Variants in SYNE1 observed in about 807,000 individuals in gnomAD.
SYNE1 encodes the protein spectrin repeat containing nuclear envelope protein 1, also known as nesprin-1.
Under a neutral mutation model 1,111.0 loss-of-function variants are expected in SYNE1, and 616 were observed. The observed-to-expected ratio is 0.55, with a 90% CI of 0.52 to 0.59. The LOEUF (loss-of-function observed/expected upper bound fraction) is 0.59. SYNE1 is among the 20% of genes least tolerant of loss of function. The probability of loss-of-function intolerance (pLI) is 0.00; values close to 1 mark genes in which losing one functional copy is unlikely to be tolerated. For missense variants in SYNE1, 10,006 were observed against 10,417.0 expected (o/e 0.96, Z 1.72); for synonymous variants, 3,855 against 3,825.8 (o/e 1.01, Z -0.28).
At chr6:152,404,021 G>GAT (rs1214829096) in intron 46 of SYNE1, among the ~76,000 whole-genome samples, 192 bp downstream of exon 46, 9 of 148,684 alleles carry the variant, frequency 6.1e-5, no homozygotes, top group Admixed American at 2.0e-4. Flanking sequence ...ACATATATAT[G>GAT]ATATATATAT....
In SYNE1 at chr6:152,419,636, A is replaced by G; in HGVS notation, c.5354T>C (p.Leu1785Pro). 6.2e-7 allele frequency: 1 copy of G among 1,614,054 alleles called. No homozygotes were observed. Among genetic ancestry groups the G allele is most frequent in the Non-Finnish European group, 8.5e-7 (1 of 1,179,964 alleles). The change falls in exon 40 of 146, where the codon CTC becomes CCC. Residue 1785 changes from leucine (L) to proline (P), a missense_variant. Transcript: ENST00000367255. ...LSFSVWIKLFLSELQTTSEIS... is the reference protein window; with the variant it reads ...LSFSVWIKLFPSELQTTSEIS... ...CTCAGAGGTAGTTTGTAATTCACTG[A>G]GAAACAGTTTAATCCAGACAGAAAA... is the stretch of plus-strand genomic sequence containing the variant.
intron 51 of SYNE1, 56 bp downstream of exon 51, chr6:152,395,460 C>G: frequency 2.5e-6 from 4 of 1,572,460 alleles, no homozygotes; most frequent in Non-Finnish European, 3.5e-6. Context: ...ACCAACCAAC[C>G]AACTAGTCTA....
rs758348063 is a variant in SYNE1, at chr6:152,225,829, A to G, written c.21243T>C (p.Ile7081=). The G allele has an allele frequency of 2.0e-5, 32 of 1,613,928 alleles. No individual in the cohort carries two copies. Among genetic ancestry groups the G allele is most frequent in the Non-Finnish European group, 2.6e-5 (31 of 1,179,952 alleles). The part of the protein sequence containing the change: ...IKAKEKEVEK[I]EQNGLALIQN... ...GAATCAAAGCAAGTCCATTCTGCTC[A>G]ATTTTCTCTACTTCTTTTTCTTTTG... The change falls in exon 116 of 146, where the codon ATT becomes ATC. Residue 7081 remains isoleucine (I), a synonymous_variant. Transcript: ENST00000367255.
intron 80 of SYNE1, 142 bp from the exon 81 acceptor site, chr6:152,325,444 C>T (rs2096036988): frequency 1.3e-5 from 10 of 746,644 alleles, no homozygotes; most frequent in Middle Eastern, 7.1e-4. Context: ...TCTAGGTACT[C>T]TTACTTTTAT....
At chr6:152,376,050 G>T (rs568185763) in intron 58 of SYNE1, 28 of 240,096 alleles carry the variant, frequency 1.2e-4, no homozygotes, top group African/African-American at 5.4e-4. Flanking sequence ...GGGGCAGGGG[G>T]GATGGTTTCG....
chr6:152,302,155 A>C, intron 91 of SYNE1, 92 bp from the exon 92 acceptor site: 10 of 1,561,690 alleles, frequency 6.4e-6, no homozygotes, highest in Non-Finnish European at 7.9e-6. Context: ...CGAGCCAATG[A>C]GCGCGCAGAG....
chr6:152,177,852 G>C (rs6930295), intron 129 of SYNE1, among the ~76,000 whole-genome samples: 1 of 152,076 alleles, frequency 6.6e-6, no homozygotes, highest in African/African-American at 2.4e-5. Context: ...CTGTTTTTGA[G>C]TGTTAATACC....
chr6:152,389,298 G>A (rs558212799), intron 53 of SYNE1, among the ~76,000 whole-genome samples: 7 of 152,186 alleles, frequency 4.6e-5, no homozygotes, highest in Non-Finnish European at 8.8e-5. Context: ...TTATTTCATT[G>A]CCCATGTACT....
intron 105 of SYNE1, 70 bp downstream of exon 105, chr6:152,249,091 T>C (rs2088325137): frequency 9.2e-7 from 1 of 1,081,502 alleles, no homozygotes; most frequent in African/African-American, 1.6e-5. Context: ...TCATAGAATA[T>C]TCAAAATTTC....
chr6:152,215,373 A>T (rs1257955858), intron 121 of SYNE1, among the ~76,000 whole-genome samples: 1 of 151,934 alleles, frequency 6.6e-6, no homozygotes, highest in African/African-American at 2.4e-5. Context: ...CAAATATATT[A>T]TTTACTTTAT....
At chr6:152,134,822 A>G (rs2056682354) in intron 142 of SYNE1, 1 of 395,962 alleles carries the variant, frequency 2.5e-6, no homozygotes, top group African/African-American at 2.0e-5. Context: ...CTGCCTTAAT[A>G]AACAACACAA....
At chr6:152,553,034 A>G (rs2099353021) in intron 3 of SYNE1, among the ~76,000 whole-genome samples, 1 of 152,214 alleles carries the variant, frequency 6.6e-6, no homozygotes, top group Non-Finnish European at 1.5e-5. Context: ...TCTATCTTCT[A>G]TTTAGAATGT....
chr6:152,231,247 AG>A, intron 114 of SYNE1, 143 bp downstream of exon 114: 4 of 787,934 alleles, frequency 5.1e-6, no homozygotes, highest in Non-Finnish European at 8.6e-6. Context: ...AAGGAAGTTT[AG>A]GGTGATTAAC....
intron 12 of SYNE1, among the ~76,000 whole-genome samples, chr6:152,485,546 T>G (rs973896617): frequency 6.6e-6 from 1 of 152,194 alleles, no homozygotes; most frequent in African/African-American, 2.4e-5. Flanking sequence ...TTCATGGTAT[T>G]AAAATATTAA....
At chr6:152,154,700 T>G (rs2152939906) in intron 133 of SYNE1, among the ~76,000 whole-genome samples, 192 bp downstream of exon 133, 1 of 152,228 alleles carries the variant, frequency 6.6e-6, no homozygotes, top group Admixed American at 6.5e-5. Flanking sequence ...AATCTTAAAA[T>G]AAAAACCTCT....
At chr6:152,603,258 G>A (rs1394216069) in intron 3 of SYNE1, among the ~76,000 whole-genome samples, 2 of 152,150 alleles carry the variant, frequency 1.3e-5, no homozygotes, top group African/African-American at 4.8e-5. Context: ...ACTCCAGTAT[G>A]CCTATATATT....
chr6:152,433,595 T>C, intron 34 of SYNE1, 200 bp downstream of exon 34: 1 of 597,214 alleles, frequency 1.7e-6, no homozygotes, highest in Non-Finnish European at 2.9e-6. Context: ...AGTCAGACAA[T>C]GTGAATACAT....
intron 3 of SYNE1, among the ~76,000 whole-genome samples, chr6:152,544,156 A>T (rs1338341850): frequency 2.6e-5 from 4 of 152,214 alleles, no homozygotes; most frequent in Non-Finnish European, 5.9e-5. Flanking sequence ...CGTAAAATGG[A>T]TGAGATGACA....
At chr6:152,204,015 A>G (rs766605709) in intron 126 of SYNE1, among the ~76,000 whole-genome samples, 5 of 152,068 alleles carry the variant, frequency 3.3e-5, no homozygotes, top group Non-Finnish European at 7.3e-5. Context: ...CAATAAAACT[A>G]TCAAACATCC....
Sources: allele counts gnomAD v4.1 joint callset (sites outside exome capture counted in the v4.1 genomes callset), GRCh38; gene constraint gnomAD v4.1.1; transcripts MANE v1.5; gene names NCBI Gene and HGNC (gene_info 2026-07-23, HGNC 2026-07-21).